The following CCDC7 variants were observed in gnomAD, a reference collection of about 807,000 sequenced individuals.
The protein encoded by CCDC7 is coiled-coil domain-containing protein 7.
Under a neutral mutation model 196.9 loss-of-function variants are expected in CCDC7, and 183 were observed. That is an observed-to-expected ratio of 0.93 (90% CI 0.82 to 1.05). The LOEUF (loss-of-function observed/expected upper bound fraction) is 1.05, where lower values mean the gene tolerates loss of function less well. CCDC7 is among the 50% of genes least tolerant of loss of function. The probability of loss-of-function intolerance (pLI) is 0.00; values close to 1 mark genes in which losing one functional copy is unlikely to be tolerated. For missense variants in CCDC7, 1,540 were observed against 1,482.2 expected (o/e 1.04, Z -0.64); for synonymous variants, 525 against 484.6 (o/e 1.08, Z -1.10).
At chr10:32,807,419 C>T (rs1263441671) in intron 30 of CCDC7, among the ~76,000 whole-genome samples, 2 of 151,956 alleles carry the variant, frequency 1.3e-5, no homozygotes, top group African/African-American at 4.8e-5. Context: ...AGAGGGGGCT[C>T]CAAGATGACT....
At chr10:32,501,550 T>G (rs1364760261) in intron 9 of CCDC7, among the ~76,000 whole-genome samples, 1 of 152,216 alleles carries the variant, frequency 6.6e-6, no homozygotes. Flanking sequence ...GTTGGTGATG[T>G]TGATACTATT....
upstream of CCDC7, among the ~76,000 whole-genome samples, chr10:32,447,867 C>G (rs1262841060): frequency 6.6e-6 from 1 of 152,168 alleles, no homozygotes; most frequent in Admixed American, 6.5e-5. Context: ...TGCCATTGTA[C>G]TCCAGCCTGG....
intron 34 of CCDC7, 41 bp downstream of exon 35, chr10:32,845,367 T>C (rs1303644819): frequency 2.1e-6 from 3 of 1,418,066 alleles, no homozygotes; most frequent in South Asian, 1.2e-5. Flanking sequence ...TTATGGCTGA[T>C]TGATATTCCC....
At chr10:32,758,425 C>T (rs552473328) in intron 28 of CCDC7, among the ~76,000 whole-genome samples, 2 of 152,124 alleles carry the variant, frequency 1.3e-5, no homozygotes, top group African/African-American at 2.4e-5. Flanking sequence ...TTCATCCCTG[C>T]GATGGAAGGC....
chr10:32,702,895 G>C (rs75073531), intron 24 of CCDC7, among the ~76,000 whole-genome samples: 52,103 of 151,760 alleles, frequency 0.34, 11,328 homozygotes, highest in Non-Finnish European at 0.49. Context: ...CCTTTACTTT[G>C]AGCCTATGTG....
At chr10:32,517,456 A>G (rs2047195781) in intron 9 of CCDC7, among the ~76,000 whole-genome samples, 1 of 152,016 alleles carries the variant, frequency 6.6e-6, no homozygotes, top group Non-Finnish European at 1.5e-5. Context: ...GTGATCCAAT[A>G]TTTCTAGGGA....
chr10:32,761,727 G>A (rs934295233), intron 28 of CCDC7, among the ~76,000 whole-genome samples: 1 of 151,944 alleles, frequency 6.6e-6, no homozygotes, highest in African/African-American at 2.4e-5. Flanking sequence ...AATTTTATAG[G>A]ATATCTTCTG....
At position 32,814,423 on chromosome 10, in the gene CCDC7, G is replaced by A. The variant is rs74843272; in HGVS notation, c.3151G>A (p.Glu1051Lys). 8.1e-6 allele frequency: 13 copies of A among 1,611,814 alleles called. No individual in the cohort carries two copies. The East Asian group carries it at 2.7e-4, about 33-fold the overall frequency. ...ATTTGGAAGAGATATACTAAAGGATGAATTCAAGACACGATCAAAGAGTCT... is the reference window on the plus strand; with the variant it reads ...ATTTGGAAGAGATATACTAAAGGATAAATTCAAGACACGATCAAAGAGTCT... Residue 1051 changes from glutamate to lysine, a missense_variant, in exon 31 of 42, where the codon GAA becomes AAA. By Grantham distance (56) the Glu-to-Lys change is moderately conservative (BLOSUM62 1). Transcript: ENST00000639629.
chr10:32,822,295 T>A (rs1426996859), intron 31 of CCDC7, among the ~76,000 whole-genome samples: 1 of 152,186 alleles, frequency 6.6e-6, no homozygotes, highest in Non-Finnish European at 1.5e-5. Context: ...AAAAAATTTA[T>A]ATAATTGTAT....
At chr10:32,444,842 G>C (rs1159754592), upstream of CCDC7, among the ~76,000 whole-genome samples, 1 of 147,430 alleles carries the variant, frequency 6.8e-6, no homozygotes, top group Admixed American at 6.8e-5. Context: ...ATAAGCATAT[G>C]CCTTCATGTT....
intron 28 of CCDC7, among the ~76,000 whole-genome samples, chr10:32,775,473 G>A (rs2079862109): frequency 6.6e-6 from 1 of 152,090 alleles, no homozygotes; most frequent in Non-Finnish European, 1.5e-5. Flanking sequence ...AAGAGCACAA[G>A]TTTAAATACC....
At chr10:32,848,804 C>A in intron 39 of CCDC7, 86 bp downstream of exon 40, 1 of 1,087,322 alleles carries the variant, frequency 9.2e-7, no homozygotes, top group Non-Finnish European at 1.3e-6. Context: ...ACTCTTTTTG[C>A]ATCTTACTTT....
rs188028330 is a variant in CCDC7, at chr10:32,565,317, A to G, written c.1135-241A>G. Among the ~76,000 whole-genome samples the G allele has an allele frequency of 3.3e-5, 5 of 152,304 alleles. No homozygotes were observed. The East Asian group carries it at 9.6e-4, about 29-fold the overall frequency. The stretch of plus-strand genomic sequence containing the variant: ...TCAGGCCTAGAGGAAAGGAGAAATG[A>G]AATGTTTGATTTACTGCAATTGTAA... On this transcript the variant is annotated intron_variant, in intron 13 of 41. Transcript: ENST00000639629.
At chr10:32,729,183 G>C in intron 27 of CCDC7, 149 bp from the exon 29 acceptor site, 1 of 872,334 alleles carries the variant, frequency 1.1e-6, no homozygotes, top group Non-Finnish European at 1.8e-6. Flanking sequence ...TATTTGAATG[G>C]TCATTAATTA....
intron 28 of CCDC7, among the ~76,000 whole-genome samples, chr10:32,752,029 A>G (rs2075740566): frequency 6.6e-6 from 1 of 152,138 alleles, no homozygotes; most frequent in South Asian, 2.1e-4. Flanking sequence ...TCTTCTGGAA[A>G]ATGATGCTAT....
At chr10:32,512,135 A>C in intron 9 of CCDC7, 1 of 179,864 alleles carries the variant, frequency 5.6e-6, no homozygotes, top group East Asian at 1.5e-4. Context: ...ACAAATTGAG[A>C]TCTCAATTAG....
At chr10:32,539,808 A>C (rs2051111358) in intron 11 of CCDC7, among the ~76,000 whole-genome samples, 1 of 152,076 alleles carries the variant, frequency 6.6e-6, no homozygotes, top group Non-Finnish European at 1.5e-5. Flanking sequence ...TAATTTCCGC[A>C]TAATTGTATG....
intron 24 of CCDC7, among the ~76,000 whole-genome samples, chr10:32,705,512 A>C (rs2079567553): frequency 6.6e-6 from 1 of 152,170 alleles, no homozygotes; most frequent in Admixed American, 6.5e-5. Context: ...CAATTAAAAG[A>C]CACAGACTGA....
upstream of CCDC7, among the ~76,000 whole-genome samples, chr10:32,449,733 G>A (rs562610943): frequency 9.1e-4 from 139 of 152,216 alleles, no homozygotes; most frequent in African/African-American, 3.1e-3. Flanking sequence ...GTTGAAATTG[G>A]GACCCAATTC....
Sources: allele counts gnomAD v4.1 joint callset (sites outside exome capture counted in the v4.1 genomes callset), GRCh38; gene constraint gnomAD v4.1.1; transcripts MANE v1.5; gene names NCBI Gene and HGNC (gene_info 2026-07-23, HGNC 2026-07-21).